PCDH15: variants seen among roughly 807,000 people sequenced by gnomAD.
PCDH15 encodes protocadherin-15.
A neutral mutation model predicts 178.5 loss-of-function variants in PCDH15; 129 were observed. The observed-to-expected ratio is 0.72, with a 90% CI of 0.63 to 0.84. The LOEUF (loss-of-function observed/expected upper bound fraction) is 0.84, where lower values mean the gene tolerates loss of function less well. Among genes scored for constraint, PCDH15 ranks in the 40% least tolerant of loss-of-function variants. PCDH15 has a pLI of 0.00. For synonymous variants in PCDH15, 800 were observed against 732.0 expected (o/e 1.09, Z -1.50); for missense variants, 2,230 against 2,099.9 (o/e 1.06, Z -1.21).
chr10:54,549,151 T>G (rs1349557876), intron 2 of PCDH15, among the ~76,000 whole-genome samples: 1 of 151,868 alleles, frequency 6.6e-6, no homozygotes, highest in African/African-American at 2.4e-5. Context: ...TTGTTAAGTC[T>G]GCATTATTTT....
chr10:55,553,285 C>T (rs965377819), intron 2 of PCDH15, among the ~76,000 whole-genome samples: 6 of 150,724 alleles, frequency 4.0e-5, no homozygotes, highest in East Asian at 1.9e-4. Context: ...TCTCAAAGTA[C>T]GCAAAGCAAA....
intron 11 of PCDH15, 45 bp downstream of exon 11, chr10:54,195,638 T>A (rs1034558719): frequency 6.8e-7 from 1 of 1,475,964 alleles, no homozygotes; most frequent in Non-Finnish European, 9.5e-7. Flanking sequence ...AATGGAAATA[T>A]GAGATTTGTT....
chr10:53,809,400 A>G, intron 37 of PCDH15: 1 of 1,613,980 alleles, frequency 6.2e-7, no homozygotes, highest in Non-Finnish European at 8.5e-7. Flanking sequence ...TAACTTTCTT[A>G]AAAATCATGG....
intron 2 of PCDH15, among the ~76,000 whole-genome samples, chr10:55,478,660 A>G (rs1840110623): frequency 6.6e-6 from 1 of 151,262 alleles, no homozygotes; most frequent in Non-Finnish European, 1.5e-5. Flanking sequence ...TAGAGAAGAA[A>G]AAAACTAAAT....
intron 2 of PCDH15, among the ~76,000 whole-genome samples, chr10:55,128,592 T>C (rs528422243): frequency 2.6e-5 from 4 of 152,164 alleles, no homozygotes; most frequent in Admixed American, 6.5e-5. Context: ...CCTTAACCTG[T>C]TATTTTTCTT....
rs991493741 is a variant in PCDH15, at chr10:55,295,150, T to C, written c.-156+24449A>G. ...TTTAAAAGAAAAATATTGTATCTAATTTCTAACATACCACTCCTGTGTACA... is the reference window on the plus strand; with the variant it reads ...TTTAAAAGAAAAATATTGTATCTAACTTCTAACATACCACTCCTGTGTACA... On this transcript the variant is annotated intron_variant, in intron 1 of 5. Coordinates refer to the PCDH15 transcript ENST00000458638. Among the ~76,000 whole-genome samples the C allele has an allele frequency of 2.0e-5, 3 of 152,210 alleles. 1 individual carries two copies. Among genetic ancestry groups the C allele is most frequent in the African/African-American group, 7.2e-5 (3 of 41,454 alleles).
intron 2 of PCDH15, among the ~76,000 whole-genome samples, chr10:55,002,190 G>A (rs998840050): frequency 3.3e-5 from 5 of 152,004 alleles, no homozygotes; most frequent in South Asian, 2.1e-4. Flanking sequence ...TCCTTGTTTC[G>A]CTGCATAGTC....
chr10:54,082,796 T>A (rs1406380183), intron 16 of PCDH15, among the ~76,000 whole-genome samples: 1 of 151,580 alleles, frequency 6.6e-6, no homozygotes, highest in African/African-American at 2.4e-5. Context: ...CAAGGGACAT[T>A]ATCGAGAAAG....
chr10:54,215,625 A>T (rs1319030068), intron 9 of PCDH15, among the ~76,000 whole-genome samples: 1 of 152,200 alleles, frequency 6.6e-6, no homozygotes, highest in African/African-American at 2.4e-5. Context: ...TTTCCTAACT[A>T]TGGCTCAAAG....
At chr10:54,064,568 C>A (rs755906177) in intron 18 of PCDH15, among the ~76,000 whole-genome samples, 1 of 152,076 alleles carries the variant, frequency 6.6e-6, no homozygotes, top group South Asian at 2.1e-4. Flanking sequence ...AGGAGAAGTG[C>A]CTGCAGGCCC....
chr10:53,807,759 G>T (rs1026076178), intron 37 of PCDH15, among the ~76,000 whole-genome samples: 6 of 152,044 alleles, frequency 3.9e-5, no homozygotes, highest in Admixed American at 3.3e-4. Flanking sequence ...TAACTTAAAA[G>T]GAAATATCTT....
chr10:55,301,722 A>AT (rs1843285910), intron 1 of PCDH15, among the ~76,000 whole-genome samples: 1 of 152,128 alleles, frequency 6.6e-6, no homozygotes, highest in African/African-American at 2.4e-5. Context: ...AAGTTTTATA[A>AT]TTTTACATTT....
rs370348265 is a variant in PCDH15 at position 54,153,279 on chromosome 10, G to A, written c.1605C>T (p.Asp535=). 11 of 1,613,670 alleles carry A rather than the reference G, an allele frequency of 6.8e-6. No individual in the cohort carries two copies. The highest frequency in any genetic ancestry group is 4.5e-5 in the East Asian group (2 of 44,836). The change falls in exon 14 of 38, where the codon GAC becomes GAT. Residue 535 remains aspartate, a synonymous_variant. Transcript: ENST00000644397. ...TCTCCCCATTTGACCCTTCGTCTGC[G>A]TCGACTGCAGTGAGCTGGAATTGAA... The part of the protein sequence containing the change: ...GDSVIQLTAV[D]ADEGSNGEIT...
intron 14 of PCDH15, among the ~76,000 whole-genome samples, chr10:54,139,890 G>A (rs72797056): frequency 0.03 from 4,490 of 152,104 alleles, 86 homozygotes; most frequent in Middle Eastern, 0.082. Flanking sequence ...TATGGTGAAT[G>A]TTTGTCCAAA....
chr10:54,433,731 G>T (rs1167356820), intron 3 of PCDH15, among the ~76,000 whole-genome samples: 1 of 152,146 alleles, frequency 6.6e-6, no homozygotes, highest in Non-Finnish European at 1.5e-5. Context: ...ATAAATGCTT[G>T]AGGGGATGGA....
intron 5 of PCDH15, among the ~76,000 whole-genome samples, chr10:54,366,219 T>C (rs1041794460): frequency 3.9e-5 from 6 of 152,142 alleles, no homozygotes; most frequent in Non-Finnish European, 8.8e-5. Flanking sequence ...GCTTCTTTTA[T>C]AAATCTGTGA....
chr10:54,436,708 T>C (rs2075445860), intron 3 of PCDH15, among the ~76,000 whole-genome samples: 1 of 152,232 alleles, frequency 6.6e-6, no homozygotes, highest in South Asian at 2.1e-4. Context: ...AAGCTCATAA[T>C]ATTTTAATCC....
At chr10:54,604,201 A>T (rs1489860151) in intron 2 of PCDH15, among the ~76,000 whole-genome samples, 1 of 151,852 alleles carries the variant, frequency 6.6e-6, no homozygotes, top group Non-Finnish European at 1.5e-5. Flanking sequence ...CTAATAGGTG[A>T]TCTATTGTGA....
intron 1 of PCDH15, among the ~76,000 whole-genome samples, chr10:54,722,851 T>G (rs1941862567): frequency 6.6e-6 from 1 of 151,340 alleles, no homozygotes; most frequent in Non-Finnish European, 1.5e-5. Context: ...TAGTTAAATA[T>G]CTGTACAAGA....
Sources: allele counts gnomAD v4.1 joint callset (sites outside exome capture counted in the v4.1 genomes callset), GRCh38; gene constraint gnomAD v4.1.1; transcripts MANE v1.5; gene names NCBI Gene and HGNC (gene_info 2026-07-23, HGNC 2026-07-21).